The following ACBD6 variants were observed in gnomAD, a reference collection of about 807,000 sequenced individuals.
ACBD6 encodes the protein acyl-CoA-binding domain-containing protein 6.
Under a neutral mutation model 37.2 loss-of-function variants are expected in ACBD6, and 28 were observed. The ratio of observed to expected loss-of-function variants is 0.75; its 90% CI spans 0.56 to 1.03. The LOEUF is 1.03. Among genes scored for constraint, ACBD6 ranks in the 50% least tolerant of loss-of-function variants. The probability of loss-of-function intolerance (pLI) is 0.00; values close to 1 mark genes in which losing one functional copy is unlikely to be tolerated. For synonymous variants in ACBD6, 113 were observed against 126.8 expected, an observed-to-expected ratio of 0.89 and a Z score of 0.73; for missense variants, 340 against 337.4, an observed-to-expected ratio of 1.01 and a Z score of -0.06.
chr1:180,378,406 A>G (rs1229111751), intron 6 of ACBD6, among the ~76,000 whole-genome samples: 4 of 152,246 alleles, frequency 2.6e-5, no homozygotes, highest in African/African-American at 9.6e-5. Flanking sequence ...TGATATTAGT[A>G]GAAAAACTGT....
At position 180,312,542 on chromosome 1, in the gene ACBD6, G is replaced by A. The variant is rs184742256; in HGVS notation, c.694+2150C>T. 2.9e-3 allele frequency among the ~76,000 whole-genome samples: 434 copies of A among 152,062 alleles called. 2 individuals carry two copies. Among genetic ancestry groups the A allele is most frequent in the Middle Eastern group, 0.01 (3 of 292 alleles). ...ATCTCATGTACCTTTTATTTATTTT[G>A]TTTTTCATTTTGTGTTATCTACAAT... On this transcript the variant is annotated intron_variant, in intron 7 of 7. Transcript: ENST00000367595.
At chr1:180,420,185 A>G (rs1297575234) in intron 4 of ACBD6, among the ~76,000 whole-genome samples, 6 of 152,146 alleles carry the variant, frequency 3.9e-5, no homozygotes, top group African/African-American at 1.2e-4. Flanking sequence ...TGTGGTGTCT[A>G]TTAGCTCTTT....
At chr1:180,390,120 G>T (rs958862301) in intron 6 of ACBD6, among the ~76,000 whole-genome samples, 10 of 152,040 alleles carry the variant, frequency 6.6e-5, no homozygotes, top group African/African-American at 2.4e-4. Flanking sequence ...TTCTTCTAGG[G>T]TTTTTATGGT....
intron 6 of ACBD6, among the ~76,000 whole-genome samples, chr1:180,382,777 CCT>C (rs1653706547): frequency 6.6e-6 from 1 of 152,108 alleles, no homozygotes; most frequent in African/African-American, 2.4e-5. Context: ...GGCCAATATC[CCT>C]GATGAACATA....
intron 3 of ACBD6, among the ~76,000 whole-genome samples, chr1:180,457,874 C>T (rs12741239): frequency 0.021 from 3,147 of 149,668 alleles, 45 homozygotes; most frequent in Non-Finnish European, 0.029. Flanking sequence ...CTCACTGCAA[C>T]ATTCACCTCC....
intron 3 of ACBD6, among the ~76,000 whole-genome samples, chr1:180,453,936 G>T (rs2102031208): frequency 6.6e-6 from 1 of 152,072 alleles, no homozygotes; most frequent in South Asian, 2.1e-4. Context: ...TGGATAGGAA[G>T]AATCAATGTC....
intron 3 of ACBD6, among the ~76,000 whole-genome samples, chr1:180,450,567 G>A (rs1421296135): frequency 6.6e-6 from 1 of 152,142 alleles, no homozygotes; most frequent in Non-Finnish European, 1.5e-5. Context: ...GACCATCCTG[G>A]CTAACACAGT....
intron 6 of ACBD6, among the ~76,000 whole-genome samples, chr1:180,324,408 C>T (rs953747134): frequency 6.6e-5 from 10 of 151,766 alleles, no homozygotes; most frequent in African/African-American, 1.9e-4. Context: ...TATCATGAGG[C>T]TTGCAAGTAT....
chr1:180,365,403 G>T (rs1238604674), intron 6 of ACBD6, among the ~76,000 whole-genome samples: 1 of 152,152 alleles, frequency 6.6e-6, no homozygotes, highest in African/African-American at 2.4e-5. Flanking sequence ...AACAAAAACA[G>T]ATCTATGGGC....
intron 6 of ACBD6, among the ~76,000 whole-genome samples, chr1:180,362,929 C>T (rs1011806160): frequency 1.3e-5 from 2 of 152,248 alleles, no homozygotes; most frequent in Admixed American, 1.3e-4. Context: ...CAAATCCCAA[C>T]ACTCAGGTGA....
chr1:180,344,826 C>G (rs1424109838), intron 6 of ACBD6, among the ~76,000 whole-genome samples: 1 of 152,136 alleles, frequency 6.6e-6, no homozygotes, highest in Non-Finnish European at 1.5e-5. Context: ...AGAATCAACA[C>G]AGATAATACA....
chr1:180,379,048 C>T (rs1339199079), intron 6 of ACBD6, among the ~76,000 whole-genome samples: 1 of 152,124 alleles, frequency 6.6e-6, no homozygotes, highest in Non-Finnish European at 1.5e-5. Context: ...CCAGGGTACA[C>T]CACCCTGGGG....
At chr1:180,287,578 C>CTTTT (rs72179174), downstream of ACBD6, among the ~76,000 whole-genome samples, 14 of 71,590 alleles carry the variant, frequency 2.0e-4, no homozygotes, top group South Asian at 5.9e-4. Context: ...CAGATCTAAG[C>CTTTT]TTTTTTTTTT....
intron 3 of ACBD6, among the ~76,000 whole-genome samples, chr1:180,485,102 A>G (rs73048291): frequency 0.011 from 1,664 of 151,940 alleles, 37 homozygotes; most frequent in African/African-American, 0.037. Flanking sequence ...GTGTGTATCT[A>G]TAGATACATA....
intron 6 of ACBD6, among the ~76,000 whole-genome samples, chr1:180,315,388 T>C (rs1233036281): frequency 2.6e-5 from 4 of 152,202 alleles, no homozygotes; most frequent in African/African-American, 9.7e-5. Flanking sequence ...ATGCCACCTC[T>C]TAAAACTGAG....
At chr1:180,488,164 C>T (rs1020274462) in intron 3 of ACBD6, among the ~76,000 whole-genome samples, 41 of 151,622 alleles carry the variant, frequency 2.7e-4, no homozygotes, top group African/African-American at 9.7e-4. Context: ...AATGATAAAG[C>T]AAATATAACC....
intron 3 of ACBD6, among the ~76,000 whole-genome samples, chr1:180,472,087 A>C (rs1444022826): frequency 6.6e-6 from 1 of 152,222 alleles, no homozygotes; most frequent in Non-Finnish European, 1.5e-5. Context: ...AAATTTTAGG[A>C]ACATAGGTAC....
intron 3 of ACBD6, among the ~76,000 whole-genome samples, chr1:180,463,638 C>G (rs1015180822): frequency 2.6e-5 from 4 of 152,142 alleles, no homozygotes; most frequent in Non-Finnish European, 1.5e-5. Context: ...CAAAGAAGAG[C>G]TGGTACCATT....
chr1:180,397,723 G>C (rs1308037158), intron 5 of ACBD6, 118 bp from the exon 6 acceptor site: 13 of 884,720 alleles, frequency 1.5e-5, no homozygotes, highest in Non-Finnish European at 2.0e-5. Flanking sequence ...TTCTAAGAAT[G>C]ATTGATATAA....
Sources: allele counts gnomAD v4.1 joint callset (sites outside exome capture counted in the v4.1 genomes callset), GRCh38; gene constraint gnomAD v4.1.1; transcripts MANE v1.5; gene names NCBI Gene and HGNC (gene_info 2026-07-23, HGNC 2026-07-21).